Variants in HHLA2 observed in about 807,000 individuals in gnomAD.
HHLA2 encodes the protein HERV-H LTR-associating protein 2.
HHLA2 carries 48 observed loss-of-function variants against 45.9 expected under a neutral mutation model. That is an observed-to-expected ratio of 1.05 (90% CI 0.83 to 1.33). HHLA2 has a LOEUF of 1.33. HHLA2 is among the 40% of genes most tolerant of loss of function. HHLA2 has a pLI of 0.00. For missense variants in HHLA2, 462 were observed against 494.3 expected, an observed-to-expected ratio of 0.93 and a Z score of 0.62; for synonymous variants, 161 against 173.9, an observed-to-expected ratio of 0.93 and a Z score of 0.59.
intron 6 of HHLA2, among the ~76,000 whole-genome samples, chr3:108,357,463 A>C (rs2081914205): frequency 6.6e-6 from 1 of 152,190 alleles, no homozygotes; most frequent in Non-Finnish European, 1.5e-5. Context: ...GTAGGGTACC[A>C]AAAGGGGTGT....
chr3:108,329,193 A>G (rs1399419448), intron 3 of HHLA2, among the ~76,000 whole-genome samples: 1 of 152,218 alleles, frequency 6.6e-6, no homozygotes, highest in Non-Finnish European at 1.5e-5. Context: ...AAAGTGCCAC[A>G]GGAGCTTTCT....
At chr3:108,321,114 A>T (rs1295058499) in intron 2 of HHLA2, among the ~76,000 whole-genome samples, 1 of 147,838 alleles carries the variant, frequency 6.8e-6, no homozygotes, top group Non-Finnish European at 1.5e-5. Flanking sequence ...AAAAAAAAAG[A>T]CTGTGCCAAA....
chr3:108,338,118 G>T (rs573854718), intron 3 of HHLA2, among the ~76,000 whole-genome samples: 1 of 151,150 alleles, frequency 6.6e-6, no homozygotes, highest in Non-Finnish European at 1.5e-5. Context: ...TATATATATA[G>T]AAATATATAT....
intron 7 of HHLA2, 75 bp downstream of exon 6, chr3:108,358,236 A>T (rs2081932420): frequency 9.3e-7 from 1 of 1,070,162 alleles, no homozygotes; most frequent in Non-Finnish European, 1.3e-6. Flanking sequence ...AGAGAAAATT[A>T]GGTTGACTTT....
intron 2 of HHLA2, among the ~76,000 whole-genome samples, chr3:108,328,016 C>T (rs907356554): frequency 1.2e-4 from 18 of 151,950 alleles, no homozygotes; most frequent in African/African-American, 4.4e-4. Context: ...GTCTGTAGTC[C>T]CAGCTACTTG....
intron 6 of HHLA2, among the ~76,000 whole-genome samples, chr3:108,356,915 G>C (rs574088832): frequency 3.9e-5 from 6 of 152,186 alleles, no homozygotes; most frequent in Non-Finnish European, 8.8e-5. Context: ...AATTTTAGAA[G>C]AGTAGTAGGA....
chr3:108,337,672 T>A (rs7652835), intron 3 of HHLA2, among the ~76,000 whole-genome samples: 1 of 152,102 alleles, frequency 6.6e-6, no homozygotes, highest in African/African-American at 2.4e-5. Context: ...AGAAACTTTA[T>A]AAGGTGGAAC....
At chr3:108,358,159 T>C in exon 7 of HHLA2, 1 of 1,596,094 alleles carries the variant, frequency 6.3e-7, no homozygotes, top group Non-Finnish European at 8.6e-7. Flanking sequence ...ACAGTGCATG[T>C]AGGTAAGTTG....
intron 1 of HHLA2, among the ~76,000 whole-genome samples, chr3:108,305,597 G>A (rs1335019519): frequency 6.6e-6 from 1 of 152,036 alleles, no homozygotes; most frequent in Non-Finnish European, 1.5e-5. Context: ...GCTGTATAGA[G>A]TTCCATTCCA....
At chr3:108,338,302 A>C (rs752144262) in intron 3 of HHLA2, among the ~76,000 whole-genome samples, 7 of 152,032 alleles carry the variant, frequency 4.6e-5, no homozygotes, top group Admixed American at 2.0e-4. Flanking sequence ...AGGAGATATG[A>C]GGTGTCAGTA....
chr3:108,329,991 AT>A (rs1452861336), intron 3 of HHLA2, among the ~76,000 whole-genome samples: 1 of 152,144 alleles, frequency 6.6e-6, no homozygotes, highest in Non-Finnish European at 1.5e-5. Context: ...GGTGTCCATC[AT>A]CTGAAGGAGC....
At chr3:108,378,217 G>C (rs187003292) in exon 11 of HHLA2, 1 of 152,198 alleles carries the variant, frequency 6.6e-6, no homozygotes, top group East Asian at 1.9e-4. Context: ...ATCACCCTTC[G>C]CTGACTCTCT....
chr3:108,376,420 T>C, intron 9 of HHLA2, 73 bp from the exon 9 acceptor site: 1 of 1,119,046 alleles, frequency 8.9e-7, no homozygotes, highest in South Asian at 1.5e-5. Context: ...ATGATTATAT[T>C]GAGATAGGAC....
chr3:108,322,686 C>T (rs2081224505), intron 2 of HHLA2, among the ~76,000 whole-genome samples: 1 of 152,176 alleles, frequency 6.6e-6, no homozygotes, highest in Non-Finnish European at 1.5e-5. Flanking sequence ...TCCAGACTAG[C>T]CTGGGTGTTG....
At chr3:108,371,625 A>C (rs1462194712) in intron 8 of HHLA2, among the ~76,000 whole-genome samples, 2 of 152,194 alleles carry the variant, frequency 1.3e-5, no homozygotes, top group African/African-American at 4.8e-5. Context: ...TAAGGGATGG[A>C]GGAAGATCTA....
chr3:108,351,745 C>A, intron 3 of HHLA2, 43 bp from the exon 3 acceptor site: 1 of 1,248,734 alleles, frequency 8.0e-7, no homozygotes, highest in Non-Finnish European at 1.2e-6. Context: ...TTCCCTTTTG[C>A]ATTTTAAATC....
chr3:108,328,443 C>A, intron 3 of HHLA2: 1 of 720,516 alleles, frequency 1.4e-6, no homozygotes, highest in Non-Finnish European at 2.2e-6. Flanking sequence ...AATTGCTTTG[C>A]AAATATTATT....
chr3:108,335,230 C>A (rs933638724), intron 3 of HHLA2, among the ~76,000 whole-genome samples: 1 of 152,154 alleles, frequency 6.6e-6, no homozygotes, highest in Non-Finnish European at 1.5e-5. Flanking sequence ...ATGTGCCTGG[C>A]CACATTCCAT....
At chr3:108,339,098 T>A (rs4522771) in intron 3 of HHLA2, among the ~76,000 whole-genome samples, 14 of 152,214 alleles carry the variant, frequency 9.2e-5, no homozygotes, top group African/African-American at 3.4e-4. Flanking sequence ...AGCAGACAAA[T>A]GATTTTGGAG....
Sources: allele counts gnomAD v4.1 joint callset (sites outside exome capture counted in the v4.1 genomes callset), GRCh38; gene constraint gnomAD v4.1.1; transcripts MANE v1.5; gene names NCBI Gene and HGNC (gene_info 2026-07-23, HGNC 2026-07-21).